The following RANBP2 variants were observed in gnomAD, a reference collection of about 807,000 sequenced individuals.
RANBP2 encodes the protein E3 SUMO-protein ligase RanBP2.
A neutral mutation model predicts 303.6 loss-of-function variants in RANBP2; 57 were observed. The ratio of observed to expected loss-of-function variants is 0.19; its 90% confidence interval spans 0.15 to 0.23. The LOEUF is 0.23. RANBP2 is among the 10% of genes least tolerant of loss of function. RANBP2 has a pLI of 1.00. For synonymous variants in RANBP2, 1,167 were observed against 1,301.5 expected, an observed-to-expected ratio of 0.90 and a Z score of 2.23; for missense variants, 3,138 against 3,780.8, an observed-to-expected ratio of 0.83 and a Z score of 4.46.
chr2:109,395,454 T>TG, the RANBP2 span, among the ~76,000 whole-genome samples: 1 of 152,158 alleles, frequency 6.6e-6, no homozygotes, highest in Admixed American at 6.5e-5. Flanking sequence ...GCAGGGATGC[T>TG]GGGGATGCTG....
chr2:108,778,066 A>G (rs1165132248), intron 25 of RANBP2, among the ~76,000 whole-genome samples: 1 of 152,198 alleles, frequency 6.6e-6, no homozygotes, highest in African/African-American at 2.4e-5. Flanking sequence ...AATTTATGAA[A>G]TAGCCTGAAA....
chr2:108,764,687 A>G lies in RANBP2; in HGVS notation c.4148A>G (p.Lys1383Arg). Residue 1383 changes from lysine (K) to arginine (R), a missense_variant, in exon 20 of 29, where the codon AAA (lysine) becomes AGA (arginine). Lys to Arg is a conservative substitution (Grantham distance 26). Transcript: ENST00000283195. ...VSCQNLNPSNKELVGPPLAET... is the reference protein window; with the variant it reads ...VSCQNLNPSNRELVGPPLAET... ...TGCCAAAATCTAAACCCAAGCAATA[A>G]AGAGCTCGTTGGCCCACCATTAGCT... 1 of 1,614,038 alleles carries G rather than the reference A, an allele frequency of 6.2e-7. No homozygotes were observed. Among genetic ancestry groups the G allele is most frequent in the Admixed American group, 1.7e-5 (1 of 60,010 alleles).
chr2:109,714,905 C>T, the RANBP2 span, among the ~76,000 whole-genome samples: 5 of 129,952 alleles, frequency 3.8e-5, no homozygotes, highest in Admixed American at 9.6e-5. Context: ...CCACCACGCC[C>T]GGGCTTGTGC....
the RANBP2 span, among the ~76,000 whole-genome samples, chr2:108,793,398 AAG>A: frequency 6.6e-6 from 1 of 152,014 alleles, no homozygotes; most frequent in Non-Finnish European, 1.5e-5. Context: ...TAATTGTTAA[AAG>A]AAAATAAATT....
At chr2:108,786,979 C>G, downstream of RANBP2, 7 of 1,169,808 alleles carry the variant, frequency 6.0e-6, no homozygotes, top group Non-Finnish European at 7.9e-6. Flanking sequence ...CGCTCCGTGC[C>G]CCGCGCAGCC....
At chr2:109,082,311 A>T in the RANBP2 span, among the ~76,000 whole-genome samples, 1 of 151,234 alleles carries the variant, frequency 6.6e-6, no homozygotes, top group African/African-American at 2.4e-5. Flanking sequence ...TTATTTATTT[A>T]TTTTTTTGAG....
At chr2:109,758,225 C>T in the RANBP2 span, among the ~76,000 whole-genome samples, 1 of 10,440 alleles carries the variant, frequency 9.6e-5, no homozygotes, top group African/African-American at 4.1e-4. Flanking sequence ...CTGGCCAACA[C>T]GGTGAAACCC....
At chr2:108,891,764 A>G in the RANBP2 span, among the ~76,000 whole-genome samples, 1 of 152,032 alleles carries the variant, frequency 6.6e-6, no homozygotes, top group African/African-American at 2.4e-5. Context: ...TAGCAGGACG[A>G]TTCTCTGGGT....
At chr2:108,946,263 C>T in the RANBP2 span, among the ~76,000 whole-genome samples, 1 of 152,324 alleles carries the variant, frequency 6.6e-6, no homozygotes, top group East Asian at 1.9e-4. Flanking sequence ...CAGATACACC[C>T]CAAACTCATG....
At position 108,740,887 on chromosome 2, in the gene RANBP2, T is replaced by C. The variant is rs149244554; in HGVS notation, c.975+206T>C. On this transcript the variant is annotated intron_variant, in intron 7 of 28. Transcript: ENST00000283195. Reference sequence around the variant, plus strand: ...ACAGGGATGTTGAATGCACTCTTGTTGAAAGCCTGCATTGCCATGATTTGT... The same window carrying C: ...ACAGGGATGTTGAATGCACTCTTGTCGAAAGCCTGCATTGCCATGATTTGT... 8.1e-3 allele frequency among the ~76,000 whole-genome samples: 1,221 copies of C among 151,406 alleles called. 26 individuals are homozygous for C. Among genetic ancestry groups the C allele is most frequent in the African/African-American group, 0.027 (1,116 of 40,820 alleles).
the RANBP2 span, among the ~76,000 whole-genome samples, chr2:109,072,520 G>T: frequency 6.6e-6 from 1 of 152,142 alleles, no homozygotes; most frequent in Non-Finnish European, 1.5e-5. Context: ...ACCTGTCTGG[G>T]CTCCAACTTT....
the RANBP2 span, among the ~76,000 whole-genome samples, chr2:108,999,802 G>A: frequency 6.6e-6 from 1 of 152,140 alleles, no homozygotes; most frequent in African/African-American, 2.4e-5. Context: ...GGCGGGAGGA[G>A]GCATGGGGAG....
At chr2:109,058,705 TTATGA>T in the RANBP2 span, among the ~76,000 whole-genome samples, 1 of 152,214 alleles carries the variant, frequency 6.6e-6, no homozygotes, top group Non-Finnish European at 1.5e-5. Flanking sequence ...AGACTGGGAA[TTATGA>T]TAAACAGGCC....
the RANBP2 span, among the ~76,000 whole-genome samples, chr2:109,138,318 C>T: frequency 6.6e-6 from 1 of 152,192 alleles, no homozygotes; most frequent in East Asian, 1.9e-4. Context: ...TCAGCCACTT[C>T]GCCTGGCCTC....
the RANBP2 span, among the ~76,000 whole-genome samples, chr2:108,806,072 CTTG>C: frequency 1.3e-5 from 2 of 152,190 alleles, no homozygotes; most frequent in Non-Finnish European, 1.5e-5. Context: ...TTAATCTCTA[CTTG>C]TTGTGATCCT....
chr2:108,831,738 G>GTCCT, the RANBP2 span, among the ~76,000 whole-genome samples: 2 of 25,254 alleles, frequency 7.9e-5, no homozygotes, highest in Non-Finnish European at 1.5e-4. Flanking sequence ...CCTTCCTTCC[G>GTCCT]TCCTTCCTGT....
the RANBP2 span, among the ~76,000 whole-genome samples, chr2:108,972,992 AT>A: frequency 1.3e-4 from 20 of 148,758 alleles, no homozygotes; most frequent in African/African-American, 2.7e-4. Flanking sequence ...TTTTAATTGA[AT>A]TTTTTTTTTT....
At chr2:109,053,235 C>G in the RANBP2 span, among the ~76,000 whole-genome samples, 5 of 152,234 alleles carry the variant, frequency 3.3e-5, no homozygotes, top group African/African-American at 1.2e-4. Flanking sequence ...TTCAGACTCC[C>G]CTGCCCAAGA....
the RANBP2 span, among the ~76,000 whole-genome samples, chr2:108,817,826 G>A: frequency 2.0e-5 from 3 of 152,252 alleles, no homozygotes; most frequent in African/African-American, 7.2e-5. Flanking sequence ...ATGAATTTGT[G>A]TTGTTTAAAT....
Sources: allele counts gnomAD v4.1 joint callset (sites outside exome capture counted in the v4.1 genomes callset), GRCh38; gene constraint gnomAD v4.1.1; transcripts MANE v1.5; gene names NCBI Gene and HGNC (gene_info 2026-07-23, HGNC 2026-07-21).